ASIC2: variants seen among roughly 807,000 people sequenced by gnomAD.
ASIC2 encodes the protein acid sensing ion channel subunit 2.
In ASIC2, 25 loss-of-function variants were observed where a neutral mutation model predicts 57.3. The observed-to-expected ratio is 0.44, with a 90% CI of 0.32 to 0.61. The LOEUF is 0.61. Among genes scored for constraint, ASIC2 ranks in the 20% least tolerant of loss-of-function variants. ASIC2 has a pLI of 0.06. For synonymous variants in ASIC2, 319 were observed against 307.5 expected, an observed-to-expected ratio of 1.04 and a Z score of -0.39; for missense variants, 641 against 738.1, an observed-to-expected ratio of 0.87 and a Z score of 1.52.
intron 2 of ASIC2, among the ~76,000 whole-genome samples, chr17:33,106,693 C>T (rs562356006): frequency 1.3e-5 from 2 of 152,242 alleles, no homozygotes; most frequent in Admixed American, 1.3e-4. Context: ...CTGCCCACTG[C>T]TGATTGGTCC....
At chr17:33,852,460 C>T (rs1035601071) in intron 1 of ASIC2, among the ~76,000 whole-genome samples, 8 of 152,224 alleles carry the variant, frequency 5.3e-5, no homozygotes, top group African/African-American at 1.2e-4. Flanking sequence ...TGCCTCTGAG[C>T]ACCAATTATG....
intron 1 of ASIC2, among the ~76,000 whole-genome samples, chr17:33,328,546 T>C (rs562768755): frequency 6.6e-6 from 1 of 152,268 alleles, no homozygotes; most frequent in East Asian, 1.9e-4. Flanking sequence ...TATTTCTGCC[T>C]CTGGTGACCA....
chr17:33,093,610 CCA>C (rs1026539224), intron 2 of ASIC2, among the ~76,000 whole-genome samples: 10 of 152,074 alleles, frequency 6.6e-5, no homozygotes, highest in Non-Finnish European at 1.2e-4. Context: ...CCTGCAGAAG[CCA>C]CAGTCTCCCA....
chr17:33,634,520 T>C (rs1023302210), intron 1 of ASIC2, among the ~76,000 whole-genome samples: 3 of 145,948 alleles, frequency 2.1e-5, no homozygotes, highest in South Asian at 4.5e-4. Context: ...TTTTCTTTTT[T>C]TTTTTTTTTT....
At chr17:33,982,695 C>T (rs1000913201) in intron 1 of ASIC2, among the ~76,000 whole-genome samples, 4 of 152,174 alleles carry the variant, frequency 2.6e-5, no homozygotes, top group Non-Finnish European at 5.9e-5. Flanking sequence ...AGATTCAGCT[C>T]AACTATCATC....
At chr17:33,466,406 C>T (rs1912864638) in intron 1 of ASIC2, among the ~76,000 whole-genome samples, 2 of 152,076 alleles carry the variant, frequency 1.3e-5, no homozygotes, top group Non-Finnish European at 2.9e-5. Flanking sequence ...GTGAAAATGG[C>T]CATACTGCCC....
At position 33,055,302 on chromosome 17, in the gene ASIC2, A is replaced by G. The variant is rs552600992; in HGVS notation, c.988-26910T>C. ...AGTGCTGGCCACCCAACTCACTCTG[A>G]CTCCAGGGAAGCCCTTCACCTCTTA... On this transcript the variant is annotated intron_variant, in intron 3 of 9. Transcript: ENST00000225823. 1.9e-4 allele frequency among the ~76,000 whole-genome samples: 29 copies of G among 152,094 alleles called. 1 individual carries two copies. The East Asian group carries it at 3.9e-3, about 20-fold the overall frequency.
At chr17:33,034,661 C>T (rs2091901565) in intron 3 of ASIC2, among the ~76,000 whole-genome samples, 1 of 151,962 alleles carries the variant, frequency 6.6e-6, no homozygotes, top group South Asian at 2.1e-4. Flanking sequence ...GTCTTCTGGC[C>T]TCCATTGTTT....
intron 1 of ASIC2, among the ~76,000 whole-genome samples, chr17:33,601,775 A>C (rs1034395753): frequency 2.0e-5 from 3 of 152,182 alleles, no homozygotes; most frequent in African/African-American, 7.2e-5. Context: ...GCACAGCCAT[A>C]GCAATGGGGC....
chr17:34,082,876 CCTT>C (rs1051378111), intron 1 of ASIC2, among the ~76,000 whole-genome samples: 2 of 152,166 alleles, frequency 1.3e-5, no homozygotes, highest in Admixed American at 1.3e-4. Flanking sequence ...AATCTGTGCT[CCTT>C]CTTCTGCTTC....
chr17:33,595,500 G>A (rs1220626375), intron 1 of ASIC2, among the ~76,000 whole-genome samples: 2 of 152,234 alleles, frequency 1.3e-5, no homozygotes, highest in Non-Finnish European at 2.9e-5. Flanking sequence ...GCCTTTAACT[G>A]CGTAAGAAGC....
intron 1 of ASIC2, among the ~76,000 whole-genome samples, chr17:33,592,687 C>T (rs1245775743): frequency 6.6e-6 from 1 of 152,142 alleles, no homozygotes; most frequent in East Asian, 1.9e-4. Context: ...GAAATCTCTA[C>T]CCCGGACCAA....
chr17:33,473,915 T>G (rs1913134039), intron 1 of ASIC2, among the ~76,000 whole-genome samples: 1 of 152,162 alleles, frequency 6.6e-6, no homozygotes, highest in Non-Finnish European at 1.5e-5. Flanking sequence ...AATACCATTT[T>G]AAAATTCATT....
Position 33,824,424 on chromosome 17 carries a change from T to C in ASIC2, c.555+331554A>G, listed in dbSNP as rs1241187123. On this transcript the variant is annotated intron_variant, in intron 1 of 9. Transcript: ENST00000359872. Reference sequence around the variant, plus strand: ...TTTATACTTTTAACATTTATACTTTTATAATTTTAAAATTATATACATATA... The same window carrying C: ...TTTATACTTTTAACATTTATACTTTCATAATTTTAAAATTATATACATATA... Among the ~76,000 whole-genome samples, 4 of 151,766 alleles carry C rather than the reference T, an allele frequency of 2.6e-5. No homozygotes were observed. In the South Asian group the frequency reaches 6.2e-4, roughly 24 times the overall value.
chr17:34,139,659 T>C (rs1204258421), intron 1 of ASIC2, among the ~76,000 whole-genome samples: 1 of 152,064 alleles, frequency 6.6e-6, no homozygotes, highest in African/African-American at 2.4e-5. Context: ...TATCACAAAA[T>C]GCACATACTA....
rs78121909 is a variant in ASIC2 at position 33,844,963 on chromosome 17, G to A, written c.555+311015C>T. On this transcript the variant is annotated intron_variant, in intron 1 of 9. Coordinates refer to the ASIC2 transcript ENST00000359872. ...ACAGATGTTAAGTAACTTGGCTAAC[G>A]CCATGTAGCCAATGTACAGTGAGGC... is the stretch of plus-strand genomic sequence containing the variant. 8.5e-3 allele frequency among the ~76,000 whole-genome samples: 1,298 copies of A among 152,290 alleles called. 30 individuals carry two copies. Among genetic ancestry groups the A allele is most frequent in the East Asian group, 0.072 (371 of 5,178 alleles).
intron 1 of ASIC2, among the ~76,000 whole-genome samples, chr17:33,692,043 T>C (rs1244200073): frequency 6.6e-6 from 1 of 152,198 alleles, no homozygotes; most frequent in Non-Finnish European, 1.5e-5. Flanking sequence ...CTGTACTGTA[T>C]ATTGCAGGCA....
intron 1 of ASIC2, among the ~76,000 whole-genome samples, chr17:33,396,989 T>G (rs1910099694): frequency 6.6e-6 from 1 of 152,176 alleles, no homozygotes; most frequent in East Asian, 1.9e-4. Context: ...GAATTCTGAC[T>G]CATCTTTCAC....
chr17:34,123,927 C>T (rs2142121537), intron 1 of ASIC2, among the ~76,000 whole-genome samples: 1 of 152,104 alleles, frequency 6.6e-6, no homozygotes, highest in Middle Eastern at 3.4e-3. Context: ...TACAAAAATA[C>T]AAAAATTAGC....
Sources: gnomAD v4.1 joint callset for allele counts (sites outside exome capture counted in the v4.1 genomes callset) on GRCh38, gnomAD v4.1.1 for gene constraint, MANE v1.5 for transcripts, NCBI Gene and HGNC (gene_info 2026-07-23, HGNC 2026-07-21) for gene names.